Variants in COL6A6 observed in about 807,000 individuals in gnomAD.
COL6A6 encodes collagen alpha-6(VI) chain.
A neutral mutation model predicts 208.6 loss-of-function variants in COL6A6; 183 were observed. The observed-to-expected ratio is 0.88, with a 90% CI of 0.78 to 0.99. The LOEUF is 0.99. Ranked by LOEUF, COL6A6 falls within the 50% of genes least tolerant of loss-of-function variation. COL6A6 has a pLI of 0.00. For missense variants in COL6A6, 2,816 were observed against 2,815.2 expected, an observed-to-expected ratio of 1.00 and a Z score of -0.01; for synonymous variants, 973 against 1,011.8, an observed-to-expected ratio of 0.96 and a Z score of 0.73.
Position 130,641,734 on chromosome 3 carries a change from A to G in COL6A6, c.5154+20A>G, listed in dbSNP as rs749852853. ...CGTAAGGTAAGTAGAAAAACTATAA[A>G]CCACAGCAGGTCCTTTTCCATTAAA... On this transcript the variant is annotated intron_variant, in intron 29 of 36. Transcript: ENST00000358511. 2 of 1,473,446 alleles carry G rather than the reference A, an allele frequency of 1.4e-6. No homozygotes were observed. The highest frequency in any genetic ancestry group is 1.9e-6 in the Non-Finnish European group (2 of 1,061,232). 91.3% of individuals were successfully genotyped at this position (1,473,446 alleles called of 1,614,324 possible).
chr3:130,634,553 G>A, intron 26 of COL6A6, 37 bp from the exon 27 acceptor site: 1 of 1,574,134 alleles, frequency 6.4e-7, no homozygotes. Flanking sequence ...ATTGGGTGAT[G>A]TGTGCCTGTA....
chr3:130,562,507 A>AT (rs201097034), intron 2 of COL6A6, among the ~76,000 whole-genome samples: 2 of 152,138 alleles, frequency 1.3e-5, no homozygotes, highest in Admixed American at 6.5e-5. Flanking sequence ...TGATTTATAG[A>AT]TTTTTTTAAA....
At chr3:130,595,229 C>T (rs1030102575) in intron 18 of COL6A6, among the ~76,000 whole-genome samples, 3 of 151,910 alleles carry the variant, frequency 2.0e-5, no homozygotes, top group African/African-American at 2.4e-5. Flanking sequence ...ATGCCAAGTC[C>T]GATAGAACAT....
chr3:130,656,433 G>A (rs1017789468), intron 33 of COL6A6, among the ~76,000 whole-genome samples: 1 of 152,184 alleles, frequency 6.6e-6, no homozygotes, highest in African/African-American at 2.4e-5. Context: ...AGGCCCTGGG[G>A]TGGGTAGCTC....
intron 1 of COL6A6, among the ~76,000 whole-genome samples, chr3:130,525,912 A>T (rs2061951658): frequency 6.6e-6 from 1 of 152,154 alleles, no homozygotes; most frequent in Non-Finnish European, 1.5e-5. Flanking sequence ...CCTTCCCTGG[A>T]CTTTCCAAGT....
chr3:130,594,257 T>C (rs2063790169), intron 17 of COL6A6, 24 bp from the exon 18 acceptor site: 1 of 1,564,908 alleles, frequency 6.4e-7, no homozygotes, highest in South Asian at 1.1e-5. Context: ...GTCTTGTTTT[T>C]CTTCTGATTT....
intron 24 of COL6A6, among the ~76,000 whole-genome samples, chr3:130,622,934 T>C (rs2064779445): frequency 6.6e-6 from 1 of 151,716 alleles, no homozygotes; most frequent in Non-Finnish European, 1.5e-5. Context: ...ATGGGGGGAC[T>C]GTAATGAGAA....
chr3:130,613,602 G>A (rs116016845), intron 23 of COL6A6, among the ~76,000 whole-genome samples: 5,785 of 152,232 alleles, frequency 0.038, 401 homozygotes, highest in African/African-American at 0.13. Flanking sequence ...ACTGCTTTGG[G>A]CAGCATGGCC....
chr3:130,663,749 A>G (rs1240817497), intron 35 of COL6A6, among the ~76,000 whole-genome samples: 1 of 152,190 alleles, frequency 6.6e-6, no homozygotes, highest in Non-Finnish European at 1.5e-5. Flanking sequence ...GAAAGGTAAA[A>G]AGATGTTTTA....
chr3:130,586,037 C>T (rs1344798001), intron 10 of COL6A6, among the ~76,000 whole-genome samples: 1 of 152,230 alleles, frequency 6.6e-6, no homozygotes, highest in East Asian at 1.9e-4. Flanking sequence ...TCACTGCAGG[C>T]TCAACCTCCC....
chr3:130,648,238 G>T (rs902969271), intron 32 of COL6A6, among the ~76,000 whole-genome samples: 1 of 152,180 alleles, frequency 6.6e-6, no homozygotes, highest in African/African-American at 2.4e-5. Flanking sequence ...ACTTGCATTT[G>T]TAACTGTTAA....
At chr3:130,519,925 A>C (rs904043485) in intron 1 of COL6A6, among the ~76,000 whole-genome samples, 1 of 152,242 alleles carries the variant, frequency 6.6e-6, no homozygotes, top group Admixed American at 6.5e-5. Context: ...AATGTAATAC[A>C]TGATTAACAG....
At chr3:130,542,424 C>T (rs542636312) in intron 1 of COL6A6, among the ~76,000 whole-genome samples, 58 of 151,868 alleles carry the variant, frequency 3.8e-4, no homozygotes, top group Non-Finnish European at 6.3e-4. Flanking sequence ...AATTTGTGAA[C>T]GTGTTTTGTG....
intron 1 of COL6A6, among the ~76,000 whole-genome samples, chr3:130,531,025 CACACACACACACAG>C (rs1456909244): frequency 6.2e-5 from 3 of 48,642 alleles, no homozygotes; most frequent in African/African-American, 1.4e-4. Flanking sequence ...TACACACACA[CACACACACACACAG>C]ACACACACAC....
intron 17 of COL6A6, among the ~76,000 whole-genome samples, chr3:130,593,893 A>G (rs923885413): frequency 6.6e-6 from 1 of 152,062 alleles, no homozygotes; most frequent in Non-Finnish European, 1.5e-5. Flanking sequence ...CAGCAGCCAT[A>G]TTTTCATCCT....
At chr3:130,598,083 T>A (rs1055212283) in intron 18 of COL6A6, among the ~76,000 whole-genome samples, 1 of 152,180 alleles carries the variant, frequency 6.6e-6, no homozygotes, top group African/African-American at 2.4e-5. Flanking sequence ...AGAGTTGCCA[T>A]GCACATAATT....
At chr3:130,573,492 A>G (rs906181955) in intron 7 of COL6A6, among the ~76,000 whole-genome samples, 4 of 151,976 alleles carry the variant, frequency 2.6e-5, no homozygotes, top group African/African-American at 7.3e-5. Flanking sequence ...TATTTCCTCT[A>G]CAATTATTGT....
At position 130,568,176 on chromosome 3, in the gene COL6A6, G is replaced by T; in HGVS notation, c.1973G>T (p.Arg658Leu). The T allele has an allele frequency of 6.2e-7, 1 of 1,613,956 alleles. No homozygotes were observed. Residue 658 changes from arginine to leucine, a missense_variant, in exon 6 of 37, where the codon CGG (arginine) becomes CTG (leucine). Coordinates refer to ENST00000358511, the MANE Select transcript of COL6A6 (RefSeq NM_001102608.3). ...LVSKSQIGPD[R>L]VQIGVVQFSD... ...AGCAAGTCTCAGATTGGACCAGATC[G>T]GGTGCAAATTGGTGTAGTCCAGTTC...
intron 12 of COL6A6, among the ~76,000 whole-genome samples, chr3:130,590,552 C>T (rs143858201): frequency 0.016 from 2,343 of 144,644 alleles, 71 homozygotes; most frequent in African/African-American, 0.056. Context: ...TGAGTGAGAA[C>T]ATGCGGTGTT....
Sources: gnomAD v4.1 joint callset for allele counts (sites outside exome capture counted in the v4.1 genomes callset) on GRCh38, gnomAD v4.1.1 for gene constraint, MANE v1.5 for transcripts, NCBI Gene and HGNC (gene_info 2026-07-23, HGNC 2026-07-21) for gene names.